Variants in NPR1 observed in about 807,000 individuals in gnomAD.
NPR1 encodes the protein natriuretic peptide receptor 1.
A neutral mutation model predicts 116.9 loss-of-function variants in NPR1; 57 were observed. The ratio of observed to expected loss-of-function variants is 0.49; its 90% CI spans 0.39 to 0.61. The LOEUF (loss-of-function observed/expected upper bound fraction) is 0.61, where lower values mean the gene tolerates loss of function less well. Ranked by LOEUF, NPR1 falls within the 20% of genes least tolerant of loss-of-function variation. The pLI is 0.00. For missense variants in NPR1, 1,096 were observed against 1,409.8 expected, an observed-to-expected ratio of 0.78 and a Z score of 3.56; for synonymous variants, 555 against 601.6, an observed-to-expected ratio of 0.92 and a Z score of 1.13.
At position 153,682,434 on chromosome 1, in the gene NPR1, A is replaced by G. The variant is rs561065588; in HGVS notation, c.1172-64A>G. On this transcript the variant is annotated intron_variant, in intron 4 of 21. Coordinates refer to ENST00000368680, the MANE Select transcript of NPR1 (RefSeq NM_000906.4). Reference sequence around the variant, plus strand: ...GCAAAAAAGATTAGAGGATGAAGAGATGAAGTGGGGCACCCCTGAACTTCT... The same window carrying G: ...GCAAAAAAGATTAGAGGATGAAGAGGTGAAGTGGGGCACCCCTGAACTTCT... The G allele has an allele frequency of 8.0e-5, 94 of 1,170,064 alleles. 1 individual carries two copies. In the African/African-American group the frequency reaches 1.4e-3, roughly 17 times the overall value. The allele number at this position is 1,170,064 out of a possible 1,614,324, so 72.5% of individuals were successfully genotyped here. A position where few individuals can be genotyped will look rare whatever the true frequency, so the allele number is the denominator to read the frequency against.
rs377757922 is a variant in NPR1 at position 153,689,231 on chromosome 1, G to T, written c.2608G>T (p.Glu870Ter). 6.2e-7 allele frequency: 1 copy of T among 1,614,096 alleles called. No individual in the cohort carries two copies. Among genetic ancestry groups the T allele is most frequent in the African/African-American group, 1.3e-5 (1 of 74,930 alleles). The change falls in exon 17 of 22, where the codon GAA becomes TAA. Residue 870 changes from glutamate to a stop codon, truncating the protein, a stop_gained. Coordinates refer to ENST00000368680, the MANE Select transcript of NPR1 (RefSeq NM_000906.4). LOFTEE classifies it high-confidence loss of function. This position sits in a 1 kb window ranked among gnomAD's most constrained non-coding sequence, Gnocchi z 5.1. ...GAAGCGTGGGGAGACGGTGCAGGCCGAAGCCTTTGACAGTGTTACCATCTA... is the reference window on the plus strand; with the variant it reads ...GAAGCGTGGGGAGACGGTGCAGGCCTAAGCCTTTGACAGTGTTACCATCTA... ...QLKRGETVQA[E>*]AFDSVTIYFS... is the part of the protein sequence containing the mutation.
At chr1:153,680,466 T>A in intron 1 of NPR1, 35 bp from the exon 2 acceptor site, 1 of 1,605,820 alleles carries the variant, frequency 6.2e-7, no homozygotes, top group Non-Finnish European at 8.5e-7. Flanking sequence ...CCGCAGTACC[T>A]AGGCTTCTCT....
intron 15 of NPR1, 24 bp from the exon 16 acceptor site, chr1:153,688,929 C>A (rs777418533): frequency 3.7e-6 from 6 of 1,613,598 alleles, no homozygotes; most frequent in African/African-American, 1.3e-5. Context: ...TCTTACCACC[C>A]CCACCGCCAC....
chr1:153,680,020 AC>A (rs1016054045), intron 1 of NPR1, among the ~76,000 whole-genome samples, 191 bp downstream of exon 1: 18 of 141,186 alleles, frequency 1.3e-4, no homozygotes, highest in African/African-American at 4.6e-4. Flanking sequence ...CGCCACCCCC[AC>A]CACGTCTCTA....
chr1:153,686,189 G>T lies in NPR1; in HGVS notation c.1747G>T (p.Glu583Ter), dbSNP rs1304329767. The T allele has an allele frequency of 6.2e-7, 1 of 1,613,984 alleles. No individual in the cohort carries two copies. The highest frequency in any genetic ancestry group is 1.3e-5 in the African/African-American group (1 of 74,920). ...TGAGCTGACACGAAAAGTCCTGTTT[G>T]AACTGAAGCATGTAATGTGGGGAGT... ...RIELTRKVLF[E>*]LKHMRDVQNE... Residue 583 changes from glutamate to a stop codon, truncating the protein, a stop_gained, in exon 10 of 22, where the codon GAA becomes TAA. Coordinates refer to ENST00000368680, the MANE Select transcript of NPR1 (RefSeq NM_000906.4). LOFTEE classifies it high-confidence loss of function.
chr1:153,683,291 G>T, intron 5 of NPR1, 85 bp from the exon 6 acceptor site: 2 of 1,471,724 alleles, frequency 1.4e-6, no homozygotes, highest in East Asian at 4.8e-5. Flanking sequence ...AGCAGAGCTG[G>T]GGTAGGTGGG....
chr1:153,687,301 T>C lies in NPR1; in HGVS notation c.2037T>C (p.Tyr679=). The C allele has an allele frequency of 6.2e-7, 1 of 1,614,114 alleles. No homozygotes were observed. The highest frequency in any genetic ancestry group is 8.5e-7 in the Non-Finnish European group (1 of 1,179,970). The change falls in exon 13 of 22, where the codon TAT becomes TAC. Residue 679 remains tyrosine (Y), a synonymous_variant. Coordinates refer to ENST00000368680, the MANE Select transcript of NPR1 (RefSeq NM_000906.4). Reference sequence around the variant, plus strand: ...GCTTTGTGCTCAAGATCACCGACTATGGGCTGGAGAGCTTCAGGGACCTGG... The same window carrying C: ...GCTTTGTGCTCAAGATCACCGACTACGGGCTGGAGAGCTTCAGGGACCTGG... ...DGRFVLKITD[Y]GLESFRDLDP...
Position 153,683,516 on chromosome 1 carries a change from C to T in NPR1, c.1399+5C>T. On this transcript the variant is annotated splice_donor_5th_base_variant and intron_variant, in intron 6 of 21. Transcript: ENST00000368680. ...AAGACCCAGCATGCAACCAAGGTGACTGCCCCTTGCCTTCCAGGCCTCCAT... is the reference window on the plus strand; with the variant it reads ...AAGACCCAGCATGCAACCAAGGTGATTGCCCCTTGCCTTCCAGGCCTCCAT... The T allele has an allele frequency of 6.2e-7, 1 of 1,614,000 alleles. No homozygotes were observed. The highest frequency in any genetic ancestry group is 8.5e-7 in the Non-Finnish European group (1 of 1,179,918).
intron 3 of NPR1, 134 bp from the exon 4 acceptor site, chr1:153,681,570 C>T: frequency 1.1e-6 from 1 of 919,782 alleles, no homozygotes; most frequent in African/African-American, 1.7e-5. Flanking sequence ...ATAGTAAAAT[C>T]TCCCTGTGAT....
intron 11 of NPR1, 60 bp downstream of exon 11, chr1:153,686,810 G>A: frequency 6.7e-7 from 1 of 1,482,472 alleles, no homozygotes; most frequent in Non-Finnish European, 9.3e-7. Context: ...GCCCCTGACT[G>A]GCCATAAGAC....
chr1:153,681,558 A>T, intron 3 of NPR1, 146 bp from the exon 4 acceptor site: 2 of 835,522 alleles, frequency 2.4e-6, no homozygotes, highest in Non-Finnish European at 3.7e-6. Context: ...GGCATCGTTT[A>T]AATAGTAAAA....
Position 153,693,121 on chromosome 1 carries a change from T to TG in NPR1, c.3048dup (p.Ser1017ValfsTer3). On this transcript the variant is annotated frameshift_variant, in exon 21 of 22. Transcript: ENST00000368680. LOFTEE classifies it high-confidence loss of function. Reference sequence around the variant, plus strand: ...TCCTACCCAGCCCTGAAGATCCACTTGTCTTCTGAGACCAAGGCTGTCCTG... The same window carrying TG: ...TCCTACCCAGCCCTGAAGATCCACTTGGTCTTCTGAGACCAAGGCTGTCCTG... 6.2e-7 allele frequency: 1 copy of TG among 1,613,632 alleles called. No individual in the cohort carries two copies. Among genetic ancestry groups the TG allele is most frequent in the African/African-American group, 1.3e-5 (1 of 75,032 alleles).
At chr1:153,681,500 T>A in intron 3 of NPR1, 1 of 650,528 alleles carries the variant, frequency 1.5e-6, no homozygotes, top group Non-Finnish European at 2.6e-6. Flanking sequence ...AGACGATACA[T>A]CCTGCCCTGT....
chr1:153,681,342 C>T (rs1227997545), intron 3 of NPR1, 49 bp downstream of exon 3: 3 of 1,035,128 alleles, frequency 2.9e-6, no homozygotes, highest in Admixed American at 3.5e-5. Context: ...AGCCCCCACT[C>T]CATGACCCTC....
At chr1:153,683,692 C>T in intron 6 of NPR1, 48 bp from the exon 7 acceptor site, 1 of 1,590,424 alleles carries the variant, frequency 6.3e-7, no homozygotes, top group African/African-American at 1.3e-5. Context: ...CTTCCTCCTG[C>T]TGTCTAACCC....
In NPR1 at chr1:153,693,658, C is replaced by T; in HGVS notation, c.*244C>T. The T allele has an allele frequency of 1.3e-5, 6 of 446,690 alleles. 1 individual carries two copies. Among genetic ancestry groups the T allele is most frequent in the Non-Finnish European group, 2.0e-5 (5 of 255,578 alleles). 27.7% of individuals were successfully genotyped at this position (446,690 alleles called of 1,614,324 possible). A position where few individuals can be genotyped will look rare whatever the true frequency, so the allele number is the denominator to read the frequency against. ...CCATGCACAGGGACACTCACACAGG[C>T]ACACGCACCTGCTCTCCACCTGGAC... is the stretch of plus-strand genomic sequence containing the variant. On this transcript the variant is annotated 3_prime_UTR_variant, in exon 22 of 22. Transcript: ENST00000368680.
At position 153,693,638 on chromosome 1, in the gene NPR1, C is replaced by A; in HGVS notation, c.*224C>A. On this transcript the variant is annotated 3_prime_UTR_variant, in exon 22 of 22. Transcript: ENST00000368680. ...AGGCTGAGCCAAGCCCACGGCCATG[C>A]ACAGGGACACTCACACAGGCACACG... is the stretch of plus-strand genomic sequence containing the variant. 2.1e-6 allele frequency: 1 copy of A among 478,414 alleles called. No individual in the cohort carries two copies. The highest frequency in any genetic ancestry group is 3.7e-6 in the Non-Finnish European group (1 of 273,812). The allele number at this position is 478,414 out of a possible 1,614,324, so 29.6% of individuals were successfully genotyped here.
intron 14 of NPR1, 48 bp downstream of exon 14, chr1:153,687,837 C>T (rs1183566099): frequency 5.2e-6 from 8 of 1,532,324 alleles, no homozygotes; most frequent in South Asian, 1.3e-5. Flanking sequence ...CTCAACGAAC[C>T]CCAGCCCCAG....
At chr1:153,687,879 T>G in intron 14 of NPR1, 90 bp downstream of exon 14, 1 of 1,367,528 alleles carries the variant, frequency 7.3e-7, no homozygotes, top group East Asian at 2.3e-5. Context: ...CCACCACACC[T>G]TCCTTCTGTA....
Sources: gnomAD v4.1 joint callset for allele counts (sites outside exome capture counted in the v4.1 genomes callset) on GRCh38, gnomAD v4.1.1 for gene constraint, Gnocchi (gnomAD v3.1) non-coding constraint, MANE v1.5 for transcripts, NCBI Gene and HGNC (gene_info 2026-07-23, HGNC 2026-07-21) for gene names.